Variants in KLRG1 observed in about 807,000 individuals in gnomAD.
The protein encoded by KLRG1 is killer cell lectin like receptor G1.
A neutral mutation model predicts 21.8 loss-of-function variants in KLRG1; 16 were observed. The observed-to-expected ratio is 0.73, with a 90% CI of 0.50 to 1.11. The LOEUF (loss-of-function observed/expected upper bound fraction) is 1.11. Among genes scored for constraint, KLRG1 ranks in the 50% most tolerant of loss-of-function variants. The pLI, the probability that KLRG1 is intolerant of heterozygous loss-of-function variation, is 0.00. For synonymous variants in KLRG1, 69 were observed against 75.9 expected, an observed-to-expected ratio of 0.91 and a Z score of 0.47; for missense variants, 173 against 218.3, an observed-to-expected ratio of 0.79 and a Z score of 1.31.
chr12:9,113,105 CTTTT>C, the KLRG1 span, among the ~76,000 whole-genome samples: 1 of 143,852 alleles, frequency 7.0e-6, no homozygotes, highest in Non-Finnish European at 1.5e-5. Flanking sequence ...GTCACATTTT[CTTTT>C]TTTTTTTTTC....
intron 2 of KLRG1, among the ~76,000 whole-genome samples, 171 bp downstream of exon 2, chr12:8,992,481 ATTTTCTT>A (rs1174817567): frequency 1.3e-5 from 2 of 151,678 alleles, no homozygotes; most frequent in Admixed American, 6.6e-5. Context: ...GTAAGCTTGT[ATTTTCTT>A]TTTTCTTTTT....
At chr12:9,102,498 G>A in the KLRG1 span, among the ~76,000 whole-genome samples, 1 of 152,152 alleles carries the variant, frequency 6.6e-6, no homozygotes, top group South Asian at 2.1e-4. Flanking sequence ...TTACAGGCGT[G>A]AGCTACCGTG....
the KLRG1 span, among the ~76,000 whole-genome samples, chr12:9,141,289 A>G: frequency 2.3e-4 from 35 of 152,344 alleles, no homozygotes; most frequent in Non-Finnish European, 3.7e-4. Context: ...ATATTTGACA[A>G]TGCTTCCTGT....
chr12:9,013,066 T>C (rs1947654342), downstream of KLRG1, among the ~76,000 whole-genome samples: 1 of 152,198 alleles, frequency 6.6e-6, no homozygotes, highest in African/African-American at 2.4e-5. Flanking sequence ...CTCTGCCTGG[T>C]AATCTAGTAA....
At position 9,004,957 on chromosome 12, in the gene KLRG1, G is replaced by T. The variant is rs112469406; in HGVS notation, c.358-4018G>T. ...TGGCACATAATAATTATATATATAG[G>T]GTATTTATCCGAAGGAAATAAAATC... On this transcript the variant is annotated intron_variant, in intron 3 of 4. Coordinates refer to ENST00000356986, the MANE Select transcript of KLRG1 (RefSeq NM_005810.4). Among the ~76,000 whole-genome samples, 665 of 151,630 alleles carry T rather than the reference G, an allele frequency of 4.4e-3. 10 individuals carry two copies. The highest frequency in any genetic ancestry group is 0.015 in the African/African-American group (623 of 41,268).
At chr12:9,080,085 G>A in the KLRG1 span, 1 of 1,570,434 alleles carries the variant, frequency 6.4e-7, no homozygotes, top group Non-Finnish European at 8.7e-7. Context: ...CTAGGGGCTG[G>A]AGACTCACCC....
the KLRG1 span, among the ~76,000 whole-genome samples, chr12:9,051,379 C>T: frequency 6.6e-6 from 1 of 151,662 alleles, no homozygotes; most frequent in Non-Finnish European, 1.5e-5. Flanking sequence ...GACCTGTCTA[C>T]AGAGATGACA....
At chr12:9,063,118 C>T in the KLRG1 span, among the ~76,000 whole-genome samples, 4 of 152,294 alleles carry the variant, frequency 2.6e-5, no homozygotes, top group African/African-American at 7.2e-5. Flanking sequence ...GATCCTCCTG[C>T]CTTGGCCTCC....
chr12:9,196,277 T>C, the KLRG1 span: 1 of 1,276,128 alleles, frequency 7.8e-7, no homozygotes, highest in Non-Finnish European at 1.1e-6. Context: ...TTGTGTCCTG[T>C]GCTTAGGTGC....
the KLRG1 span, among the ~76,000 whole-genome samples, chr12:9,020,747 G>A: frequency 1.3e-5 from 2 of 152,316 alleles, no homozygotes; most frequent in Middle Eastern, 3.4e-3. Context: ...TCTTTGAATG[G>A]ACATAGTCTT....
At chr12:9,159,030 T>A in the KLRG1 span, among the ~76,000 whole-genome samples, 2 of 152,166 alleles carry the variant, frequency 1.3e-5, no homozygotes, top group Non-Finnish European at 2.9e-5. Flanking sequence ...CCCTTCCACT[T>A]TTTTCCCCTG....
the KLRG1 span, chr12:9,166,239 A>G: frequency 2.5e-6 from 4 of 1,599,524 alleles, no homozygotes; most frequent in Non-Finnish European, 2.6e-6. Flanking sequence ...AGGGAAAAAC[A>G]TTCATTAATT....
chr12:9,129,775 C>G, the KLRG1 span, among the ~76,000 whole-genome samples: 1 of 152,158 alleles, frequency 6.6e-6, no homozygotes, highest in African/African-American at 2.4e-5. Context: ...GTCTAGATCT[C>G]CTGACCTTGT....
At chr12:9,075,773 G>A in the KLRG1 span, among the ~76,000 whole-genome samples, 23,621 of 152,108 alleles carry the variant, frequency 0.16, 1,963 homozygotes, top group African/African-American at 0.2. Context: ...GAATTGTAAC[G>A]ACAAATTCAG....
At chr12:9,051,278 G>T in the KLRG1 span, among the ~76,000 whole-genome samples, 1 of 152,158 alleles carries the variant, frequency 6.6e-6, no homozygotes, top group Non-Finnish European at 1.5e-5. Context: ...ATTACCAGCT[G>T]CAGAGAGGAG....
the KLRG1 span, chr12:9,164,029 A>G: frequency 2.1e-6 from 3 of 1,420,090 alleles, no homozygotes; most frequent in Non-Finnish European, 2.9e-6. Context: ...CTAACTTTAT[A>G]GAATTATATC....
the KLRG1 span, chr12:9,091,500 A>T: frequency 6.6e-7 from 1 of 1,505,496 alleles, no homozygotes. Context: ...GAGAATCCCT[A>T]GGAATGATTC....
At chr12:9,054,072 T>G in the KLRG1 span, among the ~76,000 whole-genome samples, 1 of 152,214 alleles carries the variant, frequency 6.6e-6, no homozygotes, top group South Asian at 2.1e-4. Flanking sequence ...CGTTAAACCC[T>G]TTCTCTGCTA....
the KLRG1 span, chr12:9,194,354 C>T: frequency 1.2e-6 from 1 of 846,794 alleles, no homozygotes; most frequent in Non-Finnish European, 1.8e-6. Flanking sequence ...CTCAAAAAAA[C>T]CCCACCAAAC....
Sources: gnomAD v4.1 joint callset for allele counts (sites outside exome capture counted in the v4.1 genomes callset) on GRCh38, gnomAD v4.1.1 for gene constraint, MANE v1.5 for transcripts, NCBI Gene and HGNC (gene_info 2026-07-23, HGNC 2026-07-21) for gene names.